The following HSD11B1 variants were observed in gnomAD, a reference collection of about 807,000 sequenced individuals.
HSD11B1 encodes hydroxysteroid 11-beta dehydrogenase 1.
A neutral mutation model predicts 22.1 loss-of-function variants in HSD11B1; 15 were observed. The observed-to-expected ratio is 0.68, with a 90% CI of 0.45 to 1.04. The LOEUF is 1.04. Among genes scored for constraint, HSD11B1 ranks in the 50% least tolerant of loss-of-function variants. HSD11B1 has a pLI of 0.00. For missense variants in HSD11B1, 281 were observed against 357.6 expected, an observed-to-expected ratio of 0.79 and a Z score of 1.73; for synonymous variants, 122 against 125.2, an observed-to-expected ratio of 0.97 and a Z score of 0.17.
intron 4 of HSD11B1, among the ~76,000 whole-genome samples, chr1:209,722,867 C>T (rs2298930): frequency 0.04 from 6,047 of 152,286 alleles, 574 homozygotes; most frequent in East Asian, 0.3. Context: ...TAAAATCCAT[C>T]TTTGAATTGG....
chr1:209,707,128 G>C lies in HSD11B1; in HGVS notation c.517G>C (p.Gly173Arg), dbSNP rs1373816985. The C allele has an allele frequency of 5.0e-6, 8 of 1,612,788 alleles. No individual in the cohort carries two copies. Among genetic ancestry groups the C allele is most frequent in the Non-Finnish European group, 6.8e-6 (8 of 1,179,206 alleles). Residue 173 changes from glycine (G) to arginine (R), a missense_variant and splice_region_variant, in exon 4 of 6, where the codon GGG (glycine) becomes CGG (arginine). By Grantham distance (125) the Gly-to-Arg change is moderately radical (BLOSUM62 -2). Coordinates refer to ENST00000367027, the MANE Select transcript of HSD11B1 (RefSeq NM_005525.4). ...GSIVVVSSLAGKVAYPMVAAY... is the reference protein window; with the variant it reads ...GSIVVVSSLARKVAYPMVAAY... The stretch of plus-strand genomic sequence containing the variant: ...CATTGTTGTCGTCTCCTCTCTGGCT[G>C]GTAAGTGGGACAGGGACATATGTGG...
intron 4 of HSD11B1, among the ~76,000 whole-genome samples, chr1:209,730,106 G>A (rs1397559519): frequency 4.6e-5 from 7 of 151,972 alleles, no homozygotes; most frequent in Admixed American, 2.6e-4. Context: ...TTTATTCAAC[G>A]TAGTACTGGA....
At chr1:209,698,046 G>T (rs538416117) in intron 1 of HSD11B1, among the ~76,000 whole-genome samples, 3 of 151,566 alleles carry the variant, frequency 2.0e-5, no homozygotes, top group African/African-American at 7.2e-5. Context: ...ATGTTTTAGT[G>T]TAAGTATGTT....
chr1:209,712,169 G>A (rs2076902128), intron 4 of HSD11B1, among the ~76,000 whole-genome samples: 1 of 152,164 alleles, frequency 6.6e-6, no homozygotes, highest in East Asian at 1.9e-4. Context: ...TTAAGAAAAG[G>A]AGAATATAAA....
chr1:209,692,949 A>T (rs2076770100), intron 1 of HSD11B1, among the ~76,000 whole-genome samples: 1 of 152,072 alleles, frequency 6.6e-6, no homozygotes, highest in South Asian at 2.1e-4. Flanking sequence ...TGTGTGTGTA[A>T]CTATTTCTGT....
chr1:209,730,453 T>C (rs1215827551), intron 4 of HSD11B1, among the ~76,000 whole-genome samples: 1 of 152,242 alleles, frequency 6.6e-6, no homozygotes, highest in Non-Finnish European at 1.5e-5. Flanking sequence ...TGGAAATCAA[T>C]ATCTTTCCTA....
At chr1:209,698,094 T>C (rs1383248650) in intron 1 of HSD11B1, among the ~76,000 whole-genome samples, 1 of 151,734 alleles carries the variant, frequency 6.6e-6, no homozygotes, top group Non-Finnish European at 1.5e-5. Context: ...TTTAGGAATA[T>C]TTCTTTCAAC....
intron 4 of HSD11B1, among the ~76,000 whole-genome samples, chr1:209,730,892 T>C (rs1231869859): frequency 1.3e-5 from 2 of 152,136 alleles, no homozygotes; most frequent in Non-Finnish European, 2.9e-5. Flanking sequence ...CGACAACCAT[T>C]GAAAGCACTG....
intron 1 of HSD11B1, among the ~76,000 whole-genome samples, chr1:209,697,008 G>A (rs1247796851): frequency 1.3e-5 from 2 of 152,202 alleles, no homozygotes; most frequent in Non-Finnish European, 2.9e-5. Flanking sequence ...AGAGCCAGGG[G>A]ATAGAGTTCT....
intron 5 of HSD11B1, among the ~76,000 whole-genome samples, chr1:209,733,330 A>G (rs12059226): frequency 0.2 from 30,339 of 152,056 alleles, 3,104 homozygotes; most frequent in Non-Finnish European, 0.21. Flanking sequence ...CAAATCAAGG[A>G]ACATTTTATA....
chr1:209,690,811 G>A (rs2076755349), intron 1 of HSD11B1, among the ~76,000 whole-genome samples: 1 of 151,922 alleles, frequency 6.6e-6, no homozygotes, highest in Non-Finnish European at 1.5e-5. Flanking sequence ...GACATAGAAA[G>A]ATAAGAAACT....
At chr1:209,712,134 A>G (rs1010278333) in intron 4 of HSD11B1, among the ~76,000 whole-genome samples, 3 of 152,212 alleles carry the variant, frequency 2.0e-5, no homozygotes, top group Non-Finnish European at 2.9e-5. Flanking sequence ...TTCTATTTGG[A>G]AAAACACAAA....
intron 1 of HSD11B1, among the ~76,000 whole-genome samples, chr1:209,697,434 T>C (rs1479750416): frequency 6.6e-6 from 1 of 152,330 alleles, no homozygotes; most frequent in Non-Finnish European, 1.5e-5. Flanking sequence ...CCGTCCCACA[T>C]GTAGAATGGG....
chr1:209,701,913 T>A (rs1201496899), upstream of HSD11B1, among the ~76,000 whole-genome samples: 1 of 152,138 alleles, frequency 6.6e-6, no homozygotes, highest in East Asian at 1.9e-4. Context: ...CTGGTGAGAA[T>A]GATCAAATCA....
At chr1:209,725,013 T>C (rs2076992359) in intron 4 of HSD11B1, among the ~76,000 whole-genome samples, 2 of 152,242 alleles carry the variant, frequency 1.3e-5, no homozygotes. Context: ...TTTCTTTTCA[T>C]AATTAAATCT....
In HSD11B1 at chr1:209,693,506, A is replaced by C. The variant is rs576855507; in HGVS notation, c.-49+7221A>C. Among the ~76,000 whole-genome samples the C allele has an allele frequency of 3.1e-4, 47 of 152,346 alleles. No homozygotes were observed. The South Asian group carries it at 9.3e-3, about 30-fold the overall frequency. The stretch of plus-strand genomic sequence containing the variant: ...CTCACTGAATTTGGAAGCAGAAGGC[A>C]AGGATTCAATATCCACCCGTCCTCT... On this transcript the variant is annotated intron_variant, in intron 1 of 6. Coordinates refer to the HSD11B1 transcript ENST00000261465.
intron 1 of HSD11B1, among the ~76,000 whole-genome samples, chr1:209,695,239 A>C (rs545952283): frequency 1.7e-3 from 255 of 152,250 alleles, no homozygotes; most frequent in Non-Finnish European, 2.9e-3. Flanking sequence ...TTTTTATATA[A>C]ATTACCCAGT....
intron 4 of HSD11B1, among the ~76,000 whole-genome samples, chr1:209,722,882 C>A (rs751953650): frequency 3.3e-5 from 5 of 152,180 alleles, no homozygotes; most frequent in South Asian, 2.1e-4. Context: ...AATTGGTAAT[C>A]ATTTCAAAAT....
At chr1:209,728,633 T>G (rs1344659351) in intron 4 of HSD11B1, among the ~76,000 whole-genome samples, 1 of 152,214 alleles carries the variant, frequency 6.6e-6, no homozygotes, top group East Asian at 1.9e-4. Context: ...GCTTCACAGT[T>G]GACTTGGCTG....
Sources: gnomAD v4.1 joint callset for allele counts (sites outside exome capture counted in the v4.1 genomes callset) on GRCh38, gnomAD v4.1.1 for gene constraint, MANE v1.5 for transcripts, NCBI Gene and HGNC (gene_info 2026-07-23, HGNC 2026-07-21) for gene names.